NXPE4: variants seen among roughly 807,000 people sequenced by gnomAD.
NXPE4 encodes the protein NXPE family member 4.
A neutral mutation model predicts 33.3 loss-of-function variants in NXPE4; 42 were observed. The ratio of observed to expected loss-of-function variants is 1.26; its 90% confidence interval spans 0.98 to 1.63. The LOEUF (loss-of-function observed/expected upper bound fraction) is 1.63, where lower values mean the gene tolerates loss of function less well. Ranked by LOEUF, NXPE4 falls within the 40% of genes most tolerant of loss-of-function variation. The probability of loss-of-function intolerance (pLI) is 0.00; values close to 1 mark genes in which losing one functional copy is unlikely to be tolerated. For synonymous variants in NXPE4, 253 were observed against 234.9 expected (o/e 1.08, Z -0.71); for missense variants, 709 against 647.6 (o/e 1.09, Z -1.03).
chr11:114,656,075 C>A, the NXPE4 span, among the ~76,000 whole-genome samples: 1 of 152,148 alleles, frequency 6.6e-6, no homozygotes, highest in Non-Finnish European at 1.5e-5. Flanking sequence ...GCAACTTCAG[C>A]AAAGTCTCAG....
At chr11:114,638,509 G>T in the NXPE4 span, among the ~76,000 whole-genome samples, 1 of 152,120 alleles carries the variant, frequency 6.6e-6, no homozygotes, top group East Asian at 1.9e-4. Context: ...TGCTGGTGAG[G>T]AACTGTGTTC....
upstream of NXPE4, among the ~76,000 whole-genome samples, chr11:114,598,912 G>A (rs184199610): frequency 4.9e-3 from 740 of 152,250 alleles, 30 homozygotes; most frequent in Non-Finnish European, 1.2e-3. Flanking sequence ...CACTCTTTTT[G>A]CATTTGGCTC....
chr11:114,631,831 A>C, the NXPE4 span, among the ~76,000 whole-genome samples: 1 of 150,232 alleles, frequency 6.7e-6, no homozygotes, highest in Non-Finnish European at 1.5e-5. Flanking sequence ...TGGGTAACCG[A>C]TGTTACCCGG....
At chr11:114,593,632 A>T (rs1373029090) in intron 2 of NXPE4, among the ~76,000 whole-genome samples, 3 of 152,092 alleles carry the variant, frequency 2.0e-5, no homozygotes, top group African/African-American at 7.2e-5. Flanking sequence ...TCAAAAAACT[A>T]AAAATAGGCT....
At chr11:114,634,917 T>A in the NXPE4 span, among the ~76,000 whole-genome samples, 15 of 152,062 alleles carry the variant, frequency 9.9e-5, no homozygotes, top group Non-Finnish European at 1.6e-4. Flanking sequence ...AGCTTTGTTC[T>A]TTTGGCTTAG....
intron 2 of NXPE4, among the ~76,000 whole-genome samples, chr11:114,592,035 TA>T (rs1949468932): frequency 6.6e-6 from 1 of 152,010 alleles, no homozygotes; most frequent in Non-Finnish European, 1.5e-5. Flanking sequence ...CTCAAAACAA[TA>T]AAAAACATGT....
chr11:114,665,974 A>G, the NXPE4 span, among the ~76,000 whole-genome samples: 1 of 152,132 alleles, frequency 6.6e-6, no homozygotes, highest in East Asian at 1.9e-4. Flanking sequence ...GGTAGGGGGC[A>G]GGGTTAGGAG....
chr11:114,580,830 C>T (rs562528427), intron 4 of NXPE4, among the ~76,000 whole-genome samples: 2 of 152,208 alleles, frequency 1.3e-5, no homozygotes, highest in Non-Finnish European at 2.9e-5. Flanking sequence ...ATGAATATAG[C>T]TATAGGCTGG....
the NXPE4 span, among the ~76,000 whole-genome samples, chr11:114,614,293 T>C: frequency 6.6e-6 from 1 of 151,160 alleles, no homozygotes; most frequent in African/African-American, 2.4e-5. Flanking sequence ...TGTTACCCGG[T>C]GGATAGTAAG....
chr11:114,581,703 C>T (rs1270142586), intron 4 of NXPE4, 22 bp downstream of exon 4: 1 of 1,596,476 alleles, frequency 6.3e-7, no homozygotes, highest in African/African-American at 1.3e-5. Context: ...AGGCACCACC[C>T]ACCAAACACA....
the NXPE4 span, among the ~76,000 whole-genome samples, chr11:114,616,984 T>C: frequency 6.8e-6 from 1 of 146,954 alleles, no homozygotes; most frequent in Non-Finnish European, 1.5e-5. Context: ...TAGTGTTTCC[T>C]TGTGGGTAAC....
rs368891766 is a variant in NXPE4, at chr11:114,591,169, A to T, written c.96+3495T>A. On this transcript the variant is annotated intron_variant, in intron 2 of 5. Coordinates refer to ENST00000375478, the MANE Select transcript of NXPE4 (RefSeq NM_001077639.2). ...AGTCACTCTGAATGATGTTATTGAA[A>T]GTGCACCTCTCTATCCAGGCACAAG... 2.6e-5 allele frequency among the ~76,000 whole-genome samples: 4 copies of T among 152,328 alleles called. No homozygotes were observed. The East Asian group carries it at 7.7e-4, about 29-fold the overall frequency.
intron 5 of NXPE4, among the ~76,000 whole-genome samples, chr11:114,579,167 A>T (rs539036951): frequency 1.3e-5 from 2 of 152,296 alleles, no homozygotes; most frequent in East Asian, 3.9e-4. Context: ...CCAGTGTGTC[A>T]CATGGTGAGA....
At chr11:114,624,989 G>A in the NXPE4 span, among the ~76,000 whole-genome samples, 9 of 151,512 alleles carry the variant, frequency 5.9e-5, 1 homozygote, top group South Asian at 2.1e-4. Context: ...GTGTTGCCTC[G>A]TGAGTAACCA....
upstream of NXPE4, among the ~76,000 whole-genome samples, chr11:114,597,748 G>T (rs552207065): frequency 6.6e-6 from 1 of 152,064 alleles, no homozygotes; most frequent in South Asian, 2.1e-4. Flanking sequence ...AAAAAATGGA[G>T]GTACATGTCA....
chr11:114,647,649 G>C, the NXPE4 span, among the ~76,000 whole-genome samples: 4 of 151,738 alleles, frequency 2.6e-5, no homozygotes, highest in African/African-American at 9.7e-5. Flanking sequence ...TATTTATTCT[G>C]ATTCTGTATT....
chr11:114,638,381 A>T, the NXPE4 span, among the ~76,000 whole-genome samples: 6 of 151,698 alleles, frequency 4.0e-5, no homozygotes, highest in African/African-American at 1.5e-4. Flanking sequence ...TTTTTTTCAA[A>T]GTTTTTAACT....
chr11:114,633,496 G>T, the NXPE4 span, among the ~76,000 whole-genome samples: 4 of 149,474 alleles, frequency 2.7e-5, no homozygotes, highest in East Asian at 7.8e-4. Context: ...AAGTTTTAGG[G>T]TACATGTGCA....
At chr11:114,657,255 G>A in the NXPE4 span, among the ~76,000 whole-genome samples, 2 of 152,094 alleles carry the variant, frequency 1.3e-5, no homozygotes, top group African/African-American at 4.8e-5. Context: ...ATGGTTCTCT[G>A]TTTTTAGCAC....
Sources: gnomAD v4.1 joint callset for allele counts (sites outside exome capture counted in the v4.1 genomes callset) on GRCh38, gnomAD v4.1.1 for gene constraint, MANE v1.5 for transcripts, NCBI Gene and HGNC (gene_info 2026-07-23, HGNC 2026-07-21) for gene names.